KLHL32: variants seen among roughly 807,000 people sequenced by gnomAD.
KLHL32 encodes the protein kelch-like protein 32.
A neutral mutation model predicts 64.8 loss-of-function variants in KLHL32; 35 were observed. The ratio of observed to expected loss-of-function variants is 0.54; its 90% CI spans 0.41 to 0.72. The LOEUF (loss-of-function observed/expected upper bound fraction) is 0.72, where lower values mean the gene tolerates loss of function less well. Among genes scored for constraint, KLHL32 ranks in the 30% least tolerant of loss-of-function variants. KLHL32 has a pLI of 0.00. For missense variants in KLHL32, 589 were observed against 768.5 expected, an observed-to-expected ratio of 0.77 and a Z score of 2.76; for synonymous variants, 259 against 281.0, an observed-to-expected ratio of 0.92 and a Z score of 0.78.
the KLHL32 span, among the ~76,000 whole-genome samples, chr6:96,901,409 C>T: frequency 6.6e-6 from 1 of 151,494 alleles, no homozygotes; most frequent in Admixed American, 6.6e-5. Context: ...AGTTGCATCA[C>T]TTCATTGTCA....
chr6:96,966,261 A>G (rs1321980393), intron 1 of KLHL32, among the ~76,000 whole-genome samples: 1 of 152,234 alleles, frequency 6.6e-6, no homozygotes, highest in Non-Finnish European at 1.5e-5. Context: ...AAGTGTAGTC[A>G]TGGACCAGGA....
Position 96,952,432 on chromosome 6 carries a change from G to T in KLHL32, c.-65-14564G>T, listed in dbSNP as rs953115208. Among the ~76,000 whole-genome samples the T allele has an allele frequency of 5.9e-5, 9 of 152,314 alleles. No homozygotes were observed. In the East Asian group the frequency reaches 1.7e-3, roughly 29 times the overall value. ...CTTTGTAAAGAATATGACAGCAAGAGAAATTTGTGATGGCTGACTCCATCT... is the reference window on the plus strand; with the variant it reads ...CTTTGTAAAGAATATGACAGCAAGATAAATTTGTGATGGCTGACTCCATCT... On this transcript the variant is annotated intron_variant, in intron 1 of 10. Transcript: ENST00000369261.
intron 1 of KLHL32, among the ~76,000 whole-genome samples, chr6:96,926,876 A>G (rs975380820): frequency 2.0e-5 from 3 of 152,208 alleles, no homozygotes; most frequent in African/African-American, 7.2e-5. Context: ...TAAAAATTGT[A>G]TCTGGGTCAT....
chr6:96,988,862 C>T (rs1228446844), intron 3 of KLHL32, among the ~76,000 whole-genome samples: 2 of 152,012 alleles, frequency 1.3e-5, no homozygotes, highest in African/African-American at 2.4e-5. Context: ...GGACAAAAAA[C>T]CAAACACCGC....
At chr6:96,977,477 C>T (rs921996279) in intron 3 of KLHL32, among the ~76,000 whole-genome samples, 1 of 149,720 alleles carries the variant, frequency 6.7e-6, no homozygotes, top group African/African-American at 2.5e-5. Context: ...ATTTTCTTTT[C>T]AATGTTTTTT....
the KLHL32 span, among the ~76,000 whole-genome samples, chr6:96,903,585 C>T: frequency 3.3e-5 from 5 of 152,080 alleles, no homozygotes; most frequent in Non-Finnish European, 7.4e-5. Flanking sequence ...AGAGGAGGCC[C>T]GATGTGACAG....
intron 7 of KLHL32, among the ~76,000 whole-genome samples, chr6:97,119,221 G>A (rs1347224536): frequency 2.0e-5 from 3 of 152,100 alleles, no homozygotes; most frequent in East Asian, 3.9e-4. Context: ...AGCACATCAC[G>A]CACAGTGGCA....
At chr6:97,117,931 A>G (rs2128213658) in intron 7 of KLHL32, among the ~76,000 whole-genome samples, 1 of 152,270 alleles carries the variant, frequency 6.6e-6, no homozygotes, top group East Asian at 1.9e-4. Context: ...ATGTTATTGC[A>G]TTTACTCAAA....
At chr6:96,981,038 A>G (rs1285123358) in intron 3 of KLHL32, among the ~76,000 whole-genome samples, 1 of 152,124 alleles carries the variant, frequency 6.6e-6, no homozygotes, top group Admixed American at 6.6e-5. Flanking sequence ...AGCCCCTCAT[A>G]AAACCCTTAG....
intron 3 of KLHL32, among the ~76,000 whole-genome samples, chr6:97,016,166 T>C (rs763782916): frequency 2.6e-5 from 4 of 152,228 alleles, no homozygotes; most frequent in Admixed American, 6.5e-5. Context: ...ACTGGGGCAC[T>C]GCCTAGTGGA....
At position 96,994,405 on chromosome 6, in the gene KLHL32, C is replaced by T. The variant is rs890922948; in HGVS notation, c.204+18228C>T. The T allele has an allele frequency of 1.6e-5, 11 of 685,506 alleles. No individual in the cohort carries two copies. The East Asian group carries it at 9.5e-4, about 59-fold the overall frequency. 42.5% of individuals were successfully genotyped at this position (685,506 alleles called of 1,614,324 possible). ...TTAATATCCGGAAAATAAAACTATA[C>T]AAATTATTTATGTTTTTTTTCCTTT... On this transcript the variant is annotated intron_variant, in intron 3 of 10. Transcript: ENST00000369261.
intron 6 of KLHL32, 44 bp downstream of exon 6, chr6:97,085,385 G>A (rs758428089): frequency 9.8e-6 from 15 of 1,526,306 alleles, no homozygotes; most frequent in African/African-American, 1.4e-5. Flanking sequence ...GAAAAAGCAT[G>A]CCGTGATTGG....
intron 4 of KLHL32, among the ~76,000 whole-genome samples, chr6:97,046,310 C>G (rs1403979160): frequency 2.0e-5 from 3 of 152,146 alleles, no homozygotes; most frequent in Non-Finnish European, 4.4e-5. Context: ...AGATCATTCT[C>G]TCATATATTT....
At chr6:97,002,171 A>T (rs766285363) in intron 3 of KLHL32, among the ~76,000 whole-genome samples, 1 of 152,158 alleles carries the variant, frequency 6.6e-6, no homozygotes, top group Non-Finnish European at 1.5e-5. Context: ...CAAAGGTAGG[A>T]TAAGAACAAT....
chr6:96,971,347 A>C lies in KLHL32; in HGVS notation c.23+4264A>C, dbSNP rs548849546. 2.6e-5 allele frequency among the ~76,000 whole-genome samples: 4 copies of C among 152,298 alleles called. No homozygotes were observed. In the South Asian group the frequency reaches 8.3e-4, roughly 32 times the overall value. The stretch of plus-strand genomic sequence containing the variant: ...AACCCTATAGGATTTCTGTGACCAA[A>C]AATGTGAACTCTGTGACCTCAGAGC... On this transcript the variant is annotated intron_variant, in intron 2 of 10. Coordinates refer to ENST00000369261, the MANE Select transcript of KLHL32 (RefSeq NM_052904.4).
At chr6:97,076,227 C>A (rs1039546988) in intron 5 of KLHL32, among the ~76,000 whole-genome samples, 1 of 152,152 alleles carries the variant, frequency 6.6e-6, no homozygotes, top group Admixed American at 6.5e-5. Flanking sequence ...TTTTTGCTGA[C>A]ACTCATAGAA....
intron 6 of KLHL32, among the ~76,000 whole-genome samples, chr6:97,100,205 G>A (rs1795525974): frequency 6.6e-6 from 1 of 152,132 alleles, no homozygotes; most frequent in African/African-American, 2.4e-5. Context: ...GTGTTACAAA[G>A]TAGAAATAGA....
chr6:96,959,643 A>T (rs1773669857), intron 1 of KLHL32, among the ~76,000 whole-genome samples: 1 of 152,214 alleles, frequency 6.6e-6, no homozygotes, highest in African/African-American at 2.4e-5. Context: ...ATACTGAGGT[A>T]TTGGAAGCTT....
intron 3 of KLHL32, among the ~76,000 whole-genome samples, chr6:96,981,403 C>A (rs1327026214): frequency 6.6e-6 from 1 of 151,830 alleles, no homozygotes; most frequent in Non-Finnish European, 1.5e-5. Context: ...AGTAATATTC[C>A]CTTTTTCATT....
Sources: gnomAD v4.1 joint callset for allele counts (sites outside exome capture counted in the v4.1 genomes callset) on GRCh38, gnomAD v4.1.1 for gene constraint, MANE v1.5 for transcripts, NCBI Gene and HGNC (gene_info 2026-07-23, HGNC 2026-07-21) for gene names.